The following CEP70 variants were observed in gnomAD, a reference collection of about 807,000 sequenced individuals.
CEP70 encodes centrosomal protein of 70 kDa.
Under a neutral mutation model 90.9 loss-of-function variants are expected in CEP70, and 70 were observed. That is an observed-to-expected ratio of 0.77 (90% CI 0.64 to 0.94). The LOEUF (loss-of-function observed/expected upper bound fraction) is 0.94, where lower values mean the gene tolerates loss of function less well. Ranked by LOEUF, CEP70 falls within the 40% of genes least tolerant of loss-of-function variation. CEP70 has a pLI of 0.00. For missense variants in CEP70, 648 were observed against 669.0 expected, an observed-to-expected ratio of 0.97 and a Z score of 0.35; for synonymous variants, 220 against 228.3, an observed-to-expected ratio of 0.96 and a Z score of 0.33.
intron 11 of CEP70, among the ~76,000 whole-genome samples, chr3:138,522,654 C>T (rs2036786725): frequency 6.6e-6 from 1 of 152,156 alleles, no homozygotes; most frequent in Non-Finnish European, 1.5e-5. Flanking sequence ...AACACATACA[C>T]CCTCCCAAGA....
At chr3:138,542,213 C>T (rs914345170) in intron 6 of CEP70, among the ~76,000 whole-genome samples, 1 of 152,204 alleles carries the variant, frequency 6.6e-6, no homozygotes, top group Non-Finnish European at 1.5e-5. Flanking sequence ...GCCACCAGCA[C>T]AGGCACTGGC....
At chr3:138,522,423 A>G (rs1400868558) in intron 11 of CEP70, among the ~76,000 whole-genome samples, 1 of 152,160 alleles carries the variant, frequency 6.6e-6, no homozygotes, top group Non-Finnish European at 1.5e-5. Flanking sequence ...AAAAAAATCA[A>G]TGAATCCAGG....
chr3:138,554,006 G>A (rs1370957439), intron 6 of CEP70, among the ~76,000 whole-genome samples: 1 of 152,012 alleles, frequency 6.6e-6, no homozygotes, highest in Non-Finnish European at 1.5e-5. Context: ...AGACTAGCCT[G>A]GCCAACATGG....
At chr3:138,500,963 A>T (rs1257590233) in intron 13 of CEP70, 82 bp from the exon 14 acceptor site, 1 of 516,030 alleles carries the variant, frequency 1.9e-6, no homozygotes, top group East Asian at 4.0e-5. Context: ...TAGTAAAATT[A>T]TAAGTTTTAT....
At chr3:138,583,649 G>A (rs547872403) in intron 2 of CEP70, among the ~76,000 whole-genome samples, 42 of 152,114 alleles carry the variant, frequency 2.8e-4, no homozygotes, top group Admixed American at 7.2e-4. Context: ...CAGTTAACAG[G>A]AGGAATTTTG....
chr3:138,530,164 T>C (rs1043251255), intron 8 of CEP70, among the ~76,000 whole-genome samples: 3 of 152,192 alleles, frequency 2.0e-5, no homozygotes, highest in Non-Finnish European at 4.4e-5. Flanking sequence ...TGGTAACCAA[T>C]AGCTACATGA....
At chr3:138,582,248 T>A (rs1022109259) in intron 2 of CEP70, among the ~76,000 whole-genome samples, 3 of 151,502 alleles carry the variant, frequency 2.0e-5, no homozygotes, top group Non-Finnish European at 4.4e-5. Context: ...CCGAGATGGG[T>A]GGATCACGAG....
At chr3:138,552,540 A>C (rs1037973339) in intron 6 of CEP70, among the ~76,000 whole-genome samples, 1 of 152,184 alleles carries the variant, frequency 6.6e-6, no homozygotes, top group Non-Finnish European at 1.5e-5. Flanking sequence ...AGCCATGCAA[A>C]TACATGGAAA....
intron 6 of CEP70, among the ~76,000 whole-genome samples, chr3:138,546,133 A>C (rs2107899782): frequency 6.6e-6 from 1 of 152,210 alleles, no homozygotes; most frequent in Non-Finnish European, 1.5e-5. Flanking sequence ...TCATGGACCT[A>C]CCAATATGTG....
chr3:138,570,632 A>G (rs1213207371), intron 5 of CEP70, 134 bp from the exon 6 acceptor site: 2 of 670,764 alleles, frequency 3.0e-6, no homozygotes, highest in Admixed American at 7.4e-5. Context: ...TGGAACCAGA[A>G]GTGATTCATA....
At chr3:138,588,588 G>T (rs1390956979) in intron 2 of CEP70, among the ~76,000 whole-genome samples, 2 of 152,234 alleles carry the variant, frequency 1.3e-5, no homozygotes, top group Non-Finnish European at 2.9e-5. Context: ...TAGACCAAGT[G>T]TTTTCGAGGA....
At chr3:138,500,998 T>C (rs1366745935) in intron 13 of CEP70, 117 bp from the exon 14 acceptor site, 1 of 362,108 alleles carries the variant, frequency 2.8e-6, no homozygotes, top group African/African-American at 2.1e-5. Context: ...ATAAAATTAA[T>C]AAAACATAAT....
intron 2 of CEP70, among the ~76,000 whole-genome samples, chr3:138,581,764 C>CAGA (rs1030798119): frequency 7.1e-6 from 1 of 141,576 alleles, no homozygotes; most frequent in Non-Finnish European, 1.5e-5. Context: ...AGAGGGATAA[C>CAGA]AGAGAACTTC....
At chr3:138,511,167 C>G (rs1396566799) in intron 11 of CEP70, among the ~76,000 whole-genome samples, 3 of 152,040 alleles carry the variant, frequency 2.0e-5, no homozygotes, top group Non-Finnish European at 4.4e-5. Flanking sequence ...CACCGTGCCC[C>G]CCCAGTCCTA....
chr3:138,525,332 T>C (rs1328722908), intron 11 of CEP70, among the ~76,000 whole-genome samples, 158 bp downstream of exon 11: 2 of 152,058 alleles, frequency 1.3e-5, no homozygotes, highest in Non-Finnish European at 2.9e-5. Context: ...AGTTACTGGG[T>C]GTAGCACACC....
At chr3:138,521,517 G>T (rs1267924189) in intron 11 of CEP70, among the ~76,000 whole-genome samples, 1 of 150,926 alleles carries the variant, frequency 6.6e-6, no homozygotes, top group East Asian at 2.0e-4. Context: ...TGGGATGTGG[G>T]GAGCACCTAT....
At chr3:138,550,420 A>G (rs1449754942) in intron 6 of CEP70, among the ~76,000 whole-genome samples, 2 of 152,134 alleles carry the variant, frequency 1.3e-5, no homozygotes, top group East Asian at 1.9e-4. Flanking sequence ...CTGGAGTGCA[A>G]TGGAGTGATC....
At chr3:138,563,627 T>C (rs1447841792) in intron 6 of CEP70, among the ~76,000 whole-genome samples, 1 of 152,080 alleles carries the variant, frequency 6.6e-6, no homozygotes, top group Non-Finnish European at 1.5e-5. Flanking sequence ...AAAGCAGAAA[T>C]AAAGATGTTC....
At chr3:138,510,055 A>G (rs2035374260) in intron 11 of CEP70, among the ~76,000 whole-genome samples, 1 of 152,202 alleles carries the variant, frequency 6.6e-6, no homozygotes, top group South Asian at 2.1e-4. Flanking sequence ...GCTAAGATAT[A>G]CAGTGAGAAC....
Sources: gnomAD v4.1 joint callset for allele counts (sites outside exome capture counted in the v4.1 genomes callset) on GRCh38, gnomAD v4.1.1 for gene constraint, MANE v1.5 for transcripts, NCBI Gene and HGNC (gene_info 2026-07-23, HGNC 2026-07-21) for gene names.